LRRK1: variants seen among roughly 807,000 people sequenced by gnomAD.
The protein encoded by LRRK1 is leucine rich repeat kinase 1, also known as leucine-rich repeat serine/threonine-protein kinase 1.
A neutral mutation model predicts 209.1 loss-of-function variants in LRRK1; 113 were observed. That is an observed-to-expected ratio of 0.54 (90% confidence interval 0.46 to 0.63). LRRK1 has a LOEUF of 0.63. LRRK1 is among the 30% of genes least tolerant of loss of function. The pLI is 0.00. For synonymous variants in LRRK1, 1,144 were observed against 1,099.7 expected, an observed-to-expected ratio of 1.04 and a Z score of -0.80; for missense variants, 2,284 against 2,632.2, an observed-to-expected ratio of 0.87 and a Z score of 2.89.
intron 20 of LRRK1, among the ~76,000 whole-genome samples, chr15:101,042,848 C>G (rs960073840): frequency 2.4e-4 from 37 of 152,352 alleles, no homozygotes; most frequent in Admixed American, 2.0e-3. Flanking sequence ...CTTCTTTCCT[C>G]CTACTCTCCT....
intron 27 of LRRK1, among the ~76,000 whole-genome samples, chr15:101,056,039 A>G (rs780339520): frequency 1.3e-5 from 2 of 152,224 alleles, no homozygotes; most frequent in Non-Finnish European, 2.9e-5. Context: ...GAGCTTCATA[A>G]TAGTAGCTGA....
At position 101,065,957 on chromosome 15, in the gene LRRK1, C is replaced by T. The variant is rs1333577448; in HGVS notation, c.5520C>T (p.Ser1840=). 6.2e-7 allele frequency: 1 copy of T among 1,614,180 alleles called. No individual in the cohort carries two copies. The highest frequency in any genetic ancestry group is 8.5e-7 in the Non-Finnish European group (1 of 1,180,032). The change falls in exon 32 of 34, where the codon TCC becomes TCT. Residue 1840 remains serine (S), a synonymous_variant. Coordinates refer to ENST00000388948, the MANE Select transcript of LRRK1 (RefSeq NM_024652.6). ...AGGAATCACTCACTGACTACTGCTC[C>T]ATGTCCTCCTACTCCTCATCCCCAC... ...IHQESLTDYC[S]MSSYSSSPPR...
At chr15:101,047,687 C>T (rs2035160427) in intron 21 of LRRK1, among the ~76,000 whole-genome samples, 2 of 150,314 alleles carry the variant, frequency 1.3e-5, no homozygotes, top group Admixed American at 1.3e-4. Flanking sequence ...CCGTAATCCC[C>T]AGCCCGGGGC....
rs1212969865 is a variant in LRRK1, at chr15:101,073,654, C to T, written c.*4806C>T. 1 of 152,074 alleles carries T rather than the reference C, an allele frequency of 6.6e-6. No individual in the cohort carries two copies. The highest frequency in any genetic ancestry group is 1.5e-5 in the Non-Finnish European group (1 of 68,036). The allele number at this position is 152,074 out of a possible 1,614,324, so 9.4% of individuals were successfully genotyped here. A position where few individuals can be genotyped will look rare whatever the true frequency, so the allele number is the denominator to read the frequency against. ...TGCCCCCACCTCTTATATCTCTGCA[C>T]CTTGATCCCTTATTTCCACATCCCG... On this transcript the variant is annotated 3_prime_UTR_variant, in exon 34 of 34. Transcript: ENST00000388948.
intron 3 of LRRK1, among the ~76,000 whole-genome samples, chr15:100,977,856 C>G (rs73484901): frequency 2.0e-5 from 3 of 152,108 alleles, no homozygotes; most frequent in African/African-American, 7.2e-5. Flanking sequence ...CCAGAAAGAT[C>G]GCAAACTCAC....
At position 101,052,906 on chromosome 15, in the gene LRRK1, C is replaced by T. The variant is rs755776624; in HGVS notation, c.3690-16C>T. The stretch of plus-strand genomic sequence containing the variant: ...AGGGCGGGGGGGATGTGGCTGATGC[C>T]GGGCGTGTGTGGCAGGCTCTTCCTG... On this transcript the variant is annotated splice_polypyrimidine_tract_variant and intron_variant, in intron 24 of 33. Coordinates refer to ENST00000388948, the MANE Select transcript of LRRK1 (RefSeq NM_024652.6). The T allele has an allele frequency of 9.4e-6, 15 of 1,599,170 alleles. No homozygotes were observed. In the Admixed American group the frequency reaches 1.7e-4, roughly 18 times the overall value.
At chr15:100,928,540 G>C (rs1231126205) in intron 2 of LRRK1, among the ~76,000 whole-genome samples, 3 of 152,174 alleles carry the variant, frequency 2.0e-5, no homozygotes, top group Non-Finnish European at 4.4e-5. Flanking sequence ...TCAAAATTAT[G>C]TAGGGACAGC....
At chr15:101,053,450 C>T (rs1018051182) in intron 26 of LRRK1, 30 bp downstream of exon 26, 5 of 1,535,578 alleles carry the variant, frequency 3.3e-6, no homozygotes, top group African/African-American at 1.4e-5. Flanking sequence ...CACCCGGCCC[C>T]GGAGACCGAC....
chr15:100,938,025 A>ATT (rs60742125), intron 2 of LRRK1, among the ~76,000 whole-genome samples: 1 of 140,232 alleles, frequency 7.1e-6, no homozygotes, highest in Non-Finnish European at 1.6e-5. Context: ...TAATTTTTGT[A>ATT]TTTTTTTTTT....
chr15:101,048,270 A>G (rs1341392811), intron 21 of LRRK1, among the ~76,000 whole-genome samples: 2 of 152,290 alleles, frequency 1.3e-5, no homozygotes, highest in South Asian at 2.1e-4. Context: ...AGGAAAGCCT[A>G]TTTTTCAATT....
At chr15:101,061,437 A>G (rs766877040) in intron 30 of LRRK1, 149 bp downstream of exon 30, 224 of 610,228 alleles carry the variant, frequency 3.7e-4, no homozygotes, top group Non-Finnish European at 5.4e-4. Context: ...GTCCCCAAGT[A>G]ATGCCAGGAG....
At chr15:101,018,964 A>C (rs951344314) in intron 12 of LRRK1, among the ~76,000 whole-genome samples, 1 of 152,260 alleles carries the variant, frequency 6.6e-6, no homozygotes, top group Non-Finnish European at 1.5e-5. Flanking sequence ...AGATTTATGT[A>C]CATCCAAATA....
intron 27 of LRRK1, 76 bp downstream of exon 27, chr15:101,055,299 G>A: frequency 1.5e-6 from 2 of 1,368,028 alleles, no homozygotes; most frequent in Non-Finnish European, 1.9e-6. Flanking sequence ...AGTCCTGGAG[G>A]CACCTGAAGC....
Position 101,061,476 on chromosome 15 carries a change from G to A in LRRK1, c.4797+188G>A, listed in dbSNP as rs192724056. ...CGAGAAGTAGCAGCCTGTCACCAGG[G>A]GCAGCTCAACCCTGCCTGCTGCTGG... On this transcript the variant is annotated intron_variant, in intron 30 of 33. Transcript: ENST00000388948. Among the ~76,000 whole-genome samples, 4 of 152,354 alleles carry A rather than the reference G, an allele frequency of 2.6e-5. No homozygotes were observed. In the East Asian group the frequency reaches 7.7e-4, roughly 29 times the overall value.
chr15:101,054,099 T>C (rs942590542), intron 26 of LRRK1, among the ~76,000 whole-genome samples: 4 of 152,086 alleles, frequency 2.6e-5, no homozygotes, highest in Non-Finnish European at 1.5e-5. Context: ...CCACCGCAAC[T>C]TCCCGAGTAG....
At chr15:101,056,810 C>A in intron 27 of LRRK1, 46 bp from the exon 28 acceptor site, 1 of 1,499,848 alleles carries the variant, frequency 6.7e-7, no homozygotes, top group African/African-American at 1.4e-5. Flanking sequence ...CTTGTGAAGG[C>A]CACTGGGCCC....
intron 20 of LRRK1, among the ~76,000 whole-genome samples, chr15:101,034,336 A>G (rs997060210): frequency 2.0e-5 from 3 of 152,128 alleles, no homozygotes; most frequent in Non-Finnish European, 4.4e-5. Context: ...TGCCTAGACC[A>G]ATGTCCTGAA....
chr15:101,060,991 G>A (rs774472250), intron 29 of LRRK1, among the ~76,000 whole-genome samples, 180 bp from the exon 30 acceptor site: 1 of 152,212 alleles, frequency 6.6e-6, no homozygotes, highest in African/African-American at 2.4e-5. Flanking sequence ...CCCTTCCTGC[G>A]GGCGACGGTC....
rs763355554 is a variant in LRRK1 at position 100,941,464 on chromosome 15, C to CTGTGTG, written c.97+16769_97+16774dup. ...TGTGTGTCTGTGTGTGTCTATGTCTCTGTGTGTGTGTGTGTGTGTGTGTGT... is the reference window on the plus strand; with the variant it reads ...TGTGTGTCTGTGTGTGTCTATGTCTCTGTGTGTGTGTGTGTGTGTGTGTGTGTGTGT... On this transcript the variant is annotated intron_variant, in intron 2 of 33. Coordinates refer to ENST00000388948, the MANE Select transcript of LRRK1 (RefSeq NM_024652.6). 6.5e-3 allele frequency among the ~76,000 whole-genome samples: 574 copies of CTGTGTG among 88,792 alleles called. 8 individuals carry two copies. Among genetic ancestry groups the CTGTGTG allele is most frequent in the East Asian group, 0.015 (49 of 3,260 alleles). 58.3% of individuals were successfully genotyped at this position (88,792 alleles called of 152,430 possible).
Sources: gnomAD v4.1 joint callset for allele counts (sites outside exome capture counted in the v4.1 genomes callset) on GRCh38, gnomAD v4.1.1 for gene constraint, MANE v1.5 for transcripts, NCBI Gene and HGNC (gene_info 2026-07-23, HGNC 2026-07-21) for gene names.